The following SH3BGRL2 variants were observed in gnomAD, a reference collection of about 807,000 sequenced individuals.
SH3BGRL2 encodes SH3 domain binding glutamate rich protein like 2, also known as SH3 domain-binding glutamic acid-rich-like protein 2.
SH3BGRL2 carries 21 observed loss-of-function variants against 14.8 expected under a neutral mutation model. The observed-to-expected ratio is 1.42, with a 90% CI of 1.01 to 2.05. The LOEUF is 2.05. Among genes scored for constraint, SH3BGRL2 ranks in the 30% most tolerant of loss-of-function variants. The probability of loss-of-function intolerance (pLI) is 0.00; values close to 1 mark genes in which losing one functional copy is unlikely to be tolerated. For synonymous variants in SH3BGRL2, 50 were observed against 47.8 expected, an observed-to-expected ratio of 1.05 and a Z score of -0.19; for missense variants, 147 against 130.8, an observed-to-expected ratio of 1.12 and a Z score of -0.61.
chr6:79,695,716 A>G (rs1200965920), intron 2 of SH3BGRL2, among the ~76,000 whole-genome samples: 2 of 152,208 alleles, frequency 1.3e-5, no homozygotes, highest in Non-Finnish European at 1.5e-5. Context: ...ACTTAGCACA[A>G]AGCAAATGCC....
intron 1 of SH3BGRL2, among the ~76,000 whole-genome samples, chr6:79,650,635 T>C (rs1363717132): frequency 6.6e-6 from 1 of 152,038 alleles, no homozygotes; most frequent in Non-Finnish European, 1.5e-5. Flanking sequence ...AACAGTCAGT[T>C]CTCAAGGGGG....
Position 79,689,130 on chromosome 6 carries a change from A to C in SH3BGRL2, c.232-7355A>C, listed in dbSNP as rs115194345. ...CCTGGTGTCTGTCAGGTACTAGTCT[A>C]ACACTGACTTTTAAAAATGATTTTC... On this transcript the variant is annotated intron_variant, in intron 2 of 3. Coordinates refer to ENST00000369838, the MANE Select transcript of SH3BGRL2 (RefSeq NM_031469.4). Among the ~76,000 whole-genome samples, 425 of 152,270 alleles carry C rather than the reference A, an allele frequency of 2.8e-3. 3 individuals carry two copies. The highest frequency in any genetic ancestry group is 9.9e-3 in the African/African-American group (411 of 41,570).
the SH3BGRL2 span, among the ~76,000 whole-genome samples, chr6:79,595,861 G>T: frequency 3.3e-5 from 5 of 152,026 alleles, no homozygotes; most frequent in Admixed American, 3.3e-4. Flanking sequence ...GCATCCAGTT[G>T]GAAAATGAAG....
intron 1 of SH3BGRL2, among the ~76,000 whole-genome samples, chr6:79,638,738 A>G (rs1768974411): frequency 6.6e-6 from 1 of 152,006 alleles, no homozygotes; most frequent in South Asian, 2.1e-4. Context: ...GGCCATTTGT[A>G]TGTCTTCTTT....
chr6:79,627,448 G>A (rs1358167482), upstream of SH3BGRL2, among the ~76,000 whole-genome samples: 2 of 152,084 alleles, frequency 1.3e-5, no homozygotes, highest in Non-Finnish European at 2.9e-5. Context: ...ATATCCTAAA[G>A]GTAGTCAATT....
chr6:79,668,213 G>C (rs1769700372), intron 1 of SH3BGRL2, among the ~76,000 whole-genome samples: 1 of 152,276 alleles, frequency 6.6e-6, no homozygotes, highest in South Asian at 2.1e-4. Flanking sequence ...CCTACAAGAA[G>C]AGAGTAGAGG....
At chr6:79,689,339 G>T (rs78005872) in intron 2 of SH3BGRL2, among the ~76,000 whole-genome samples, 1 of 151,824 alleles carries the variant, frequency 6.6e-6, no homozygotes, top group African/African-American at 2.4e-5. Context: ...TAAAAATAAC[G>T]CTTATAATTA....
Position 79,703,469 on chromosome 6 carries a change from G to T in SH3BGRL2, c.*3960G>T, listed in dbSNP as rs1214799214. 2 of 152,112 alleles carry T rather than the reference G, an allele frequency of 1.3e-5. No individual in the cohort carries two copies. Among genetic ancestry groups the T allele is most frequent in the East Asian group, 3.8e-4 (2 of 5,200 alleles). The allele number at this position is 152,112 out of a possible 1,614,324, so 9.4% of individuals were successfully genotyped here. Reference sequence around the variant, plus strand: ...ATAATGACAATAAACAAACCCCTGTGTGCCTACCACCCACCTTATTGCCTT... The same window carrying T: ...ATAATGACAATAAACAAACCCCTGTTTGCCTACCACCCACCTTATTGCCTT... On this transcript the variant is annotated 3_prime_UTR_variant, in exon 4 of 4. Transcript: ENST00000369838.
At chr6:79,615,356 G>A in the SH3BGRL2 span, among the ~76,000 whole-genome samples, 2 of 152,164 alleles carry the variant, frequency 1.3e-5, no homozygotes, top group South Asian at 4.1e-4. Flanking sequence ...AATAACAAAA[G>A]TTCAGCTGGA....
the SH3BGRL2 span, among the ~76,000 whole-genome samples, chr6:79,583,176 T>C: frequency 2.2e-4 from 34 of 152,224 alleles, no homozygotes; most frequent in Non-Finnish European, 4.0e-4. Flanking sequence ...GCTTTTACAC[T>C]GTTGGTGGTA....
chr6:79,547,258 TA>T, the SH3BGRL2 span, among the ~76,000 whole-genome samples: 13,551 of 151,824 alleles, frequency 0.089, 1,390 homozygotes, highest in East Asian at 0.54. Flanking sequence ...TTCCATGAGT[TA>T]GAGGAGAAGC....
At chr6:79,652,267 TTAC>T (rs1194594777) in intron 1 of SH3BGRL2, among the ~76,000 whole-genome samples, 12 of 152,196 alleles carry the variant, frequency 7.9e-5, no homozygotes, top group African/African-American at 2.4e-4. Context: ...CTTAACTGTG[TTAC>T]CAGTGTAAGT....
At chr6:79,579,753 A>G in the SH3BGRL2 span, among the ~76,000 whole-genome samples, 1 of 152,224 alleles carries the variant, frequency 6.6e-6, no homozygotes, top group Admixed American at 6.5e-5. Flanking sequence ...AATTGGCAAA[A>G]TAACCAGCGA....
At chr6:79,591,352 T>C in the SH3BGRL2 span, among the ~76,000 whole-genome samples, 1 of 152,198 alleles carries the variant, frequency 6.6e-6, no homozygotes, top group Non-Finnish European at 1.5e-5. Context: ...ACACACTTTC[T>C]ATACTTTCCT....
In SH3BGRL2 at chr6:79,701,736, A is replaced by G. The variant is rs948806484; in HGVS notation, c.*2227A>G. ...TACCCAGGCTCCACAGAGTACCAAG[A>G]TGTTGCCCTCTGGGACCACACTTAG... On this transcript the variant is annotated 3_prime_UTR_variant, in exon 4 of 4. Transcript: ENST00000369838. 4 of 151,926 alleles carry G rather than the reference A, an allele frequency of 2.6e-5. No homozygotes were observed. The highest frequency in any genetic ancestry group is 1.9e-4 in the East Asian group (1 of 5,166). 9.4% of individuals were successfully genotyped at this position (151,926 alleles called of 1,614,324 possible).
the SH3BGRL2 span, among the ~76,000 whole-genome samples, chr6:79,606,585 A>G: frequency 6.6e-6 from 1 of 152,172 alleles, no homozygotes; most frequent in Non-Finnish European, 1.5e-5. Context: ...TTAAAATGTC[A>G]CAGGTTACTG....
chr6:79,587,361 G>A, the SH3BGRL2 span, among the ~76,000 whole-genome samples: 2 of 152,068 alleles, frequency 1.3e-5, no homozygotes, highest in Non-Finnish European at 2.9e-5. Flanking sequence ...TAGAATGACA[G>A]TCCTGAAGCT....
At chr6:79,696,711 C>T in intron 3 of SH3BGRL2, 146 bp downstream of exon 3, 1 of 552,360 alleles carries the variant, frequency 1.8e-6, no homozygotes, top group South Asian at 3.1e-5. Context: ...TTAGAGACTA[C>T]CCAGTGTTAA....
chr6:79,599,469 C>T, the SH3BGRL2 span, among the ~76,000 whole-genome samples: 850 of 151,184 alleles, frequency 5.6e-3, 3 homozygotes, highest in Admixed American at 0.011. Flanking sequence ...CCTCCTGGGT[C>T]AAGCAATTCT....
Sources: gnomAD v4.1 joint callset for allele counts (sites outside exome capture counted in the v4.1 genomes callset) on GRCh38, gnomAD v4.1.1 for gene constraint, MANE v1.5 for transcripts, NCBI Gene and HGNC (gene_info 2026-07-23, HGNC 2026-07-21) for gene names.